The following PAM variants were observed in gnomAD, a reference collection of about 807,000 sequenced individuals.
PAM encodes the protein peptidylglycine alpha-amidating monooxygenase.
A neutral mutation model predicts 122.1 loss-of-function variants in PAM; 72 were observed. The ratio of observed to expected loss-of-function variants is 0.59; its 90% confidence interval spans 0.49 to 0.72. PAM has a LOEUF of 0.72. Among genes scored for constraint, PAM ranks in the 30% least tolerant of loss-of-function variants. The probability of loss-of-function intolerance (pLI) is 0.00; values close to 1 mark genes in which losing one functional copy is unlikely to be tolerated. For missense variants in PAM, 1,106 were observed against 1,183.7 expected, an observed-to-expected ratio of 0.93 and a Z score of 0.96; for synonymous variants, 389 against 404.4, an observed-to-expected ratio of 0.96 and a Z score of 0.46.
Position 102,990,342 on chromosome 5 carries a change from T to C in PAM, c.1554T>C (p.Ala518=), listed in dbSNP as rs756785296. ...YLLPGQVSGV[A]LDPKNNLVIF... ...TACCAGGCCAGGTTTCTGGGGTGGC[T>C]CTAGACCCTAAGAATAACCTGGTGA... Residue 518 remains alanine, a synonymous_variant, in exon 16 of 26, where the codon GCT becomes GCC. Transcript: ENST00000438793. 2.5e-6 allele frequency: 4 copies of C among 1,609,988 alleles called. No homozygotes were observed. The highest frequency in any genetic ancestry group is 1.1e-5 in the South Asian group (1 of 90,620).
intron 24 of PAM, among the ~76,000 whole-genome samples, chr5:103,026,403 A>G (rs971234535): frequency 1.3e-5 from 2 of 152,218 alleles, no homozygotes; most frequent in Non-Finnish European, 2.9e-5. Flanking sequence ...GGAAACAGAA[A>G]ACAGAAAATT....
intron 3 of PAM, among the ~76,000 whole-genome samples, chr5:102,885,470 T>C (rs902348973): frequency 6.6e-6 from 1 of 152,000 alleles, no homozygotes; most frequent in Admixed American, 6.6e-5. Context: ...TGACTCAGAC[T>C]ATGAAGGCAG....
intron 21 of PAM, among the ~76,000 whole-genome samples, chr5:103,016,708 C>A (rs772269501): frequency 3.3e-5 from 5 of 152,152 alleles, no homozygotes; most frequent in Non-Finnish European, 7.4e-5. Flanking sequence ...TTGGAGGTAA[C>A]ACTCAATTTC....
intron 21 of PAM, among the ~76,000 whole-genome samples, chr5:103,015,502 G>A (rs1057472317): frequency 2.0e-5 from 3 of 152,128 alleles, no homozygotes; most frequent in African/African-American, 7.2e-5. Flanking sequence ...TTATGTCTGT[G>A]TAGCTCTAAA....
At chr5:102,772,070 C>G (rs1755940011) in intron 1 of PAM, among the ~76,000 whole-genome samples, 1 of 152,106 alleles carries the variant, frequency 6.6e-6, no homozygotes, top group Non-Finnish European at 1.5e-5. Flanking sequence ...GGGCAAATTA[C>G]TGAAAAACGC....
In PAM at chr5:102,990,292, C is replaced by A; in HGVS notation, c.1504C>A (p.Leu502Met). The change falls in exon 16 of 26, where the codon CTG becomes ATG. Residue 502 changes from leucine (L) to methionine (M), a missense_variant. Leu to Met is a conservative substitution (Grantham distance 15). Around this residue, in one of 3 missense-constraint regions of PAM, gnomAD observed 670 missense variants for 690.3 expected, o/e 0.97. Coordinates refer to ENST00000438793, the MANE Select transcript of PAM (RefSeq NM_001177306.2). ...HTGDFHMEEA[L>M]DWPGVYLLPG... ...TTTAGATTTCCACATGGAAGAGGCACTGGATTGGCCTGGAGTATACTTGTT... is the reference window on the plus strand; with the variant it reads ...TTTAGATTTCCACATGGAAGAGGCAATGGATTGGCCTGGAGTATACTTGTT... 1 of 1,559,544 alleles carries A rather than the reference C, an allele frequency of 6.4e-7. No individual in the cohort carries two copies. The highest frequency in any genetic ancestry group is 8.7e-7 in the Non-Finnish European group (1 of 1,146,278).
intron 1 of PAM, chr5:102,808,121 A>G (rs1766732446): frequency 6.6e-6 from 1 of 152,184 alleles, no homozygotes; most frequent in South Asian, 2.1e-4. Flanking sequence ...GTCAGTATGC[A>G]TACAGGGGTT....
At chr5:102,757,578 A>C (rs1307669791) in intron 1 of PAM, among the ~76,000 whole-genome samples, 1 of 152,234 alleles carries the variant, frequency 6.6e-6, no homozygotes, top group African/African-American at 2.4e-5. Context: ...AACTTCCTTC[A>C]ACTGTATGTT....
At chr5:102,892,857 G>A (rs1239557074) in intron 3 of PAM, among the ~76,000 whole-genome samples, 1 of 151,738 alleles carries the variant, frequency 6.6e-6, no homozygotes, top group Non-Finnish European at 1.5e-5. Flanking sequence ...TAGTAAAAGT[G>A]CAAATAATAC....
At chr5:102,941,578 T>C (rs537132434) in intron 7 of PAM, among the ~76,000 whole-genome samples, 4 of 152,240 alleles carry the variant, frequency 2.6e-5, no homozygotes, top group Non-Finnish European at 5.9e-5. Context: ...CAGCTTAAAG[T>C]GTCGGTGCTT....
chr5:102,866,161 C>T lies in PAM; in HGVS notation c.-35C>T, dbSNP rs201016377. The T allele has an allele frequency of 4.1e-6, 6 of 1,477,504 alleles. No individual in the cohort carries two copies. In the East Asian group the frequency reaches 9.0e-5, roughly 22 times the overall value. The allele number at this position is 1,477,504 out of a possible 1,614,324, so 91.5% of individuals were successfully genotyped here. On this transcript the variant is annotated 5_prime_UTR_variant, in exon 2 of 26. Transcript: ENST00000438793. ...AGCCCCAGCCCCGCGCTGCGCTGCC[C>T]GGTCCTCTCCCGGCGGGGTCGTATC...
At chr5:103,003,755 A>G (rs1778114467) in intron 17 of PAM, among the ~76,000 whole-genome samples, 1 of 152,138 alleles carries the variant, frequency 6.6e-6, no homozygotes, top group South Asian at 2.1e-4. Context: ...CTAATGATCC[A>G]AAAAAATTCT....
At chr5:102,872,671 ATC>A (rs1433922025) in intron 3 of PAM, among the ~76,000 whole-genome samples, 10 of 152,292 alleles carry the variant, frequency 6.6e-5, no homozygotes, top group African/African-American at 2.2e-4. Flanking sequence ...TGCTCAGAAT[ATC>A]TGTTTTATCA....
At chr5:102,852,701 T>C (rs113614787) in intron 1 of PAM, among the ~76,000 whole-genome samples, 2 of 152,322 alleles carry the variant, frequency 1.3e-5, no homozygotes, top group African/African-American at 4.8e-5. Context: ...TATGCATATA[T>C]GCTGACTTTT....
Position 102,878,377 on chromosome 5 carries a change from G to C in PAM, c.210+10984G>C, listed in dbSNP as rs75989695. 8.6e-3 allele frequency among the ~76,000 whole-genome samples: 1,315 copies of C among 152,182 alleles called. 19 individuals are homozygous for C. The highest frequency in any genetic ancestry group is 0.028 in the African/African-American group (1,164 of 41,520). On this transcript the variant is annotated intron_variant, in intron 3 of 25. Coordinates refer to ENST00000438793, the MANE Select transcript of PAM (RefSeq NM_001177306.2). Reference sequence around the variant, plus strand: ...TTGCTGTACTGCCAGTTATGTAACAGTATAGCACATACAATTCTGTATAGT... The same window carrying C: ...TTGCTGTACTGCCAGTTATGTAACACTATAGCACATACAATTCTGTATAGT...
At chr5:102,894,871 T>C (rs1260437276) in intron 3 of PAM, among the ~76,000 whole-genome samples, 1 of 151,736 alleles carries the variant, frequency 6.6e-6, no homozygotes, top group East Asian at 1.9e-4. Flanking sequence ...TAAATGTCTC[T>C]AGAATCTGCC....
At chr5:102,843,298 C>G (rs1288718733) in intron 1 of PAM, among the ~76,000 whole-genome samples, 2 of 152,174 alleles carry the variant, frequency 1.3e-5, no homozygotes, top group African/African-American at 4.8e-5. Flanking sequence ...CGTCTTAAAA[C>G]TGATGGTCCA....
chr5:102,808,564 C>A (rs1399590365), intron 1 of PAM, among the ~76,000 whole-genome samples: 1 of 152,088 alleles, frequency 6.6e-6, no homozygotes, highest in Admixed American at 6.5e-5. Flanking sequence ...TGTCACAGGG[C>A]AAGTAGGGCT....
chr5:102,890,634 TA>T (rs1287181077), intron 3 of PAM, among the ~76,000 whole-genome samples: 2 of 151,954 alleles, frequency 1.3e-5, no homozygotes, highest in Admixed American at 6.6e-5. Flanking sequence ...TAGAATTGTT[TA>T]ATTTAATTGT....
Sources: gnomAD v4.1 joint callset for allele counts (sites outside exome capture counted in the v4.1 genomes callset) on GRCh38, gnomAD v4.1.1 for gene constraint, gnomAD v4.1.1 regional missense constraint, MANE v1.5 for transcripts, NCBI Gene and HGNC (gene_info 2026-07-23, HGNC 2026-07-21) for gene names.